Variants in TMEM132D observed in about 807,000 individuals in gnomAD.
TMEM132D encodes the protein mature OL transmembrane protein.
TMEM132D carries 21 observed loss-of-function variants against 62.3 expected under a neutral mutation model. That is an observed-to-expected ratio of 0.34 (90% CI 0.24 to 0.49). TMEM132D has a LOEUF of 0.49. Ranked by LOEUF, TMEM132D falls within the 20% of genes least tolerant of loss-of-function variation. The probability of loss-of-function intolerance (pLI) is 0.99; values close to 1 mark genes in which losing one functional copy is unlikely to be tolerated. For missense variants in TMEM132D, 1,346 were observed against 1,402.8 expected (o/e 0.96, Z 0.65); for synonymous variants, 621 against 575.6 (o/e 1.08, Z -1.13).
chr12:129,828,123 T>A (rs1257152285), intron 1 of TMEM132D, among the ~76,000 whole-genome samples: 4 of 152,244 alleles, frequency 2.6e-5, no homozygotes, highest in Non-Finnish European at 4.4e-5. Flanking sequence ...ATACCCACAG[T>A]AGCAAAATAA....
intron 5 of TMEM132D, among the ~76,000 whole-genome samples, chr12:129,102,157 T>C (rs904940675): frequency 2.0e-5 from 3 of 152,042 alleles, no homozygotes; most frequent in Admixed American, 2.0e-4. Flanking sequence ...ACCTTTCTAA[T>C]CCCCAAGGAG....
chr12:129,237,180 G>T (rs1879808899), intron 4 of TMEM132D, among the ~76,000 whole-genome samples: 1 of 151,966 alleles, frequency 6.6e-6, no homozygotes, highest in African/African-American at 2.4e-5. Context: ...ATTAGCCTGT[G>T]GTTTTCTTTG....
At chr12:129,618,765 T>A (rs771566621) in intron 2 of TMEM132D, among the ~76,000 whole-genome samples, 5 of 152,176 alleles carry the variant, frequency 3.3e-5, no homozygotes, top group Non-Finnish European at 5.9e-5. Context: ...TTTGCCAAGA[T>A]AAAGGATGTG....
chr12:129,453,236 A>G (rs1368870455), intron 3 of TMEM132D, among the ~76,000 whole-genome samples: 2 of 152,198 alleles, frequency 1.3e-5, no homozygotes, highest in Non-Finnish European at 2.9e-5. Flanking sequence ...GGTGCCAAAA[A>G]GATTGGGGAC....
intron 1 of TMEM132D, among the ~76,000 whole-genome samples, chr12:129,712,341 G>A (rs540212902): frequency 6.6e-6 from 1 of 152,208 alleles, no homozygotes; most frequent in Admixed American, 6.5e-5. Context: ...AGCCAGGATG[G>A]TCTCGATCTC....
intron 1 of TMEM132D, among the ~76,000 whole-genome samples, chr12:129,712,227 C>T (rs1015392525): frequency 9.2e-5 from 14 of 152,082 alleles, no homozygotes; most frequent in Non-Finnish European, 1.9e-4. Context: ...CAGGTTCAAG[C>T]GATTCTCCTG....
chr12:129,845,018 C>T (rs898314299), intron 1 of TMEM132D, among the ~76,000 whole-genome samples: 21 of 152,150 alleles, frequency 1.4e-4, no homozygotes, highest in Admixed American at 7.2e-4. Flanking sequence ...CCAACTCCCA[C>T]GGAGCCAGCT....
At chr12:129,176,528 T>C (rs367631728) in intron 5 of TMEM132D, among the ~76,000 whole-genome samples, 101 of 152,248 alleles carry the variant, frequency 6.6e-4, no homozygotes, top group African/African-American at 2.1e-3. Flanking sequence ...AGCAAGAAGA[T>C]GGTCTTTCCT....
intron 3 of TMEM132D, among the ~76,000 whole-genome samples, chr12:129,445,480 G>A (rs577496382): frequency 7.2e-5 from 11 of 152,020 alleles, no homozygotes; most frequent in Non-Finnish European, 1.6e-4. Flanking sequence ...TTATAAAAAG[G>A]TACTAGACTG....
At chr12:129,506,131 T>C (rs1358953026) in intron 3 of TMEM132D, among the ~76,000 whole-genome samples, 1 of 152,232 alleles carries the variant, frequency 6.6e-6, no homozygotes, top group Non-Finnish European at 1.5e-5. Flanking sequence ...GTGAGATTTA[T>C]GCTTTAAAGA....
At chr12:129,305,297 G>GTAAA (rs1881821304) in intron 4 of TMEM132D, among the ~76,000 whole-genome samples, 2 of 24,986 alleles carry the variant, frequency 8.0e-5, no homozygotes, top group Non-Finnish European at 1.8e-4. Context: ...GAATATTGCT[G>GTAAA]TATTACTGGT....
chr12:129,237,809 T>C (rs1163208796), intron 4 of TMEM132D, among the ~76,000 whole-genome samples: 1 of 152,128 alleles, frequency 6.6e-6, no homozygotes, highest in Admixed American at 6.5e-5. Flanking sequence ...TGAAACCCTG[T>C]CTCTACTAAA....
chr12:129,546,270 C>T (rs991021785), intron 2 of TMEM132D, among the ~76,000 whole-genome samples: 1 of 152,170 alleles, frequency 6.6e-6, no homozygotes, highest in Non-Finnish European at 1.5e-5. Flanking sequence ...AAGCTTCAAA[C>T]ATCCACTTGT....
chr12:129,451,952 AGAT>A (rs772176919), intron 3 of TMEM132D, among the ~76,000 whole-genome samples: 93 of 152,322 alleles, frequency 6.1e-4, no homozygotes, highest in Non-Finnish European at 1.2e-3. Flanking sequence ...AGGGCAGAAA[AGAT>A]GGTGAGTAGG....
chr12:129,078,860 C>T (rs1874361558), intron 7 of TMEM132D, 135 bp from the exon 8 acceptor site: 1 of 776,136 alleles, frequency 1.3e-6, no homozygotes, highest in South Asian at 1.8e-5. Flanking sequence ...ACAGGCCTTT[C>T]CCACTCACAC....
At chr12:129,642,152 A>G (rs549970739) in intron 2 of TMEM132D, among the ~76,000 whole-genome samples, 6 of 152,308 alleles carry the variant, frequency 3.9e-5, no homozygotes, top group African/African-American at 1.2e-4. Context: ...CTCTGCTGTC[A>G]GAGGGAGAGG....
chr12:129,581,799 C>G (rs1428467975), intron 2 of TMEM132D, among the ~76,000 whole-genome samples: 1 of 152,208 alleles, frequency 6.6e-6, no homozygotes, highest in Non-Finnish European at 1.5e-5. Context: ...AGGGACAATA[C>G]TTTGCATCCT....
intron 4 of TMEM132D, among the ~76,000 whole-genome samples, chr12:129,308,722 A>G (rs1165099934): frequency 6.6e-6 from 1 of 152,260 alleles, no homozygotes; most frequent in East Asian, 1.9e-4. Flanking sequence ...AAATGGATTT[A>G]TTAACTGGAG....
intron 5 of TMEM132D, among the ~76,000 whole-genome samples, chr12:129,204,015 G>T (rs1343907757): frequency 1.3e-5 from 2 of 152,082 alleles, no homozygotes; most frequent in African/African-American, 4.8e-5. Context: ...AAGAAGAAAA[G>T]AGCCAAAAAA....
Sources: allele counts gnomAD v4.1 joint callset (sites outside exome capture counted in the v4.1 genomes callset), GRCh38; gene constraint gnomAD v4.1.1; transcripts MANE v1.5; gene names NCBI Gene and HGNC (gene_info 2026-07-23, HGNC 2026-07-21).